The following PPP6R3 variants were observed in gnomAD, a reference collection of about 807,000 sequenced individuals.
PPP6R3 encodes the protein serine/threonine-protein phosphatase 6 regulatory subunit 3.
A neutral mutation model predicts 110.7 loss-of-function variants in PPP6R3; 38 were observed. The observed-to-expected ratio is 0.34, with a 90% CI of 0.26 to 0.45. PPP6R3 has a LOEUF of 0.45. Among genes scored for constraint, PPP6R3 ranks in the 20% least tolerant of loss-of-function variants. The pLI, the probability that PPP6R3 is intolerant of heterozygous loss-of-function variation, is 1.00. For synonymous variants in PPP6R3, 369 were observed against 373.5 expected (o/e 0.99, Z 0.14); for missense variants, 870 against 1,062.4 (o/e 0.82, Z 2.52).
At chr11:68,564,507 T>A in intron 9 of PPP6R3, 75 bp downstream of exon 9, 11 of 1,494,910 alleles carry the variant, frequency 7.4e-6, no homozygotes, top group Non-Finnish European at 1.0e-5. Context: ...TGTACGGGCC[T>A]TAGGAGTGGC....
intron 8 of PPP6R3, among the ~76,000 whole-genome samples, chr11:68,562,921 G>C (rs935617406): frequency 2.0e-5 from 3 of 152,012 alleles, no homozygotes; most frequent in Admixed American, 2.0e-4. Context: ...TTAAAATTCT[G>C]CTCCGAGACT....
chr11:68,591,552 T>C, intron 17 of PPP6R3, 24 bp from the exon 18 acceptor site: 2 of 1,562,758 alleles, frequency 1.3e-6, no homozygotes, highest in Non-Finnish European at 1.7e-6. Flanking sequence ...ATTTTGTTGT[T>C]TTTTTCCTCT....
At chr11:68,552,164 CATG>C (rs200876560) in intron 6 of PPP6R3, among the ~76,000 whole-genome samples, 8,424 of 152,288 alleles carry the variant, frequency 0.055, 246 homozygotes, top group Middle Eastern at 0.13. Context: ...TACCTACAGA[CATG>C]ATAGTTCTCT....
Position 68,600,370 on chromosome 11 carries a change from C to G in PPP6R3, c.2068C>G (p.Pro690Ala). ...CAACTGGTCAGCTAACTTTGATGTC[C>G]CAATGGAAACAACCCACGGTGCTCC... ...PPNWSANFDV[P>A]METTHGAPLD... The change falls in exon 20 of 24, where the codon CCA becomes GCA. Residue 690 changes from proline to alanine, a missense_variant. Physicochemically the swap from Pro to Ala is conservative, Grantham distance 27. Transcript: ENST00000393800. 5 of 1,614,042 alleles carry G rather than the reference C, an allele frequency of 3.1e-6. No individual in the cohort carries two copies. Among genetic ancestry groups the G allele is most frequent in the Non-Finnish European group, 4.2e-6 (5 of 1,179,972 alleles).
intron 6 of PPP6R3, among the ~76,000 whole-genome samples, chr11:68,553,450 C>A (rs909614018): frequency 5.3e-5 from 8 of 151,974 alleles, no homozygotes; most frequent in Non-Finnish European, 1.2e-4. Context: ...TGCGCCACCA[C>A]GCCTGGCTAA....
intron 18 of PPP6R3, among the ~76,000 whole-genome samples, chr11:68,591,956 A>G (rs1034412312): frequency 6.6e-6 from 1 of 152,214 alleles, no homozygotes; most frequent in Non-Finnish European, 1.5e-5. Flanking sequence ...CCAAAGGGGA[A>G]ATGTTGCAGA....
Position 68,614,472 on chromosome 11 carries a change from T to A in PPP6R3, c.*1355T>A. ...GTATTTTTACATCATTTGTTTTTCCTGACCAGTATTTAAAACCAAAAGGAT... is the reference window on the plus strand; with the variant it reads ...GTATTTTTACATCATTTGTTTTTCCAGACCAGTATTTAAAACCAAAAGGAT... On this transcript the variant is annotated 3_prime_UTR_variant, in exon 24 of 24. Transcript: ENST00000393800. 1 of 1,381,280 alleles carries A rather than the reference T, an allele frequency of 7.2e-7. No individual in the cohort carries two copies. The highest frequency in any genetic ancestry group is 2.7e-4 in the Middle Eastern group (1 of 3,720). The allele number at this position is 1,381,280 out of a possible 1,614,324, so 85.6% of individuals were successfully genotyped here.
At chr11:68,469,685 C>G (rs946948631) in intron 1 of PPP6R3, among the ~76,000 whole-genome samples, 11 of 151,992 alleles carry the variant, frequency 7.2e-5, no homozygotes, top group Non-Finnish European at 1.3e-4. Context: ...GGCCTCTAAT[C>G]TGTTTTTTTA....
chr11:68,467,629 A>ATGGT (rs990625901), intron 1 of PPP6R3, among the ~76,000 whole-genome samples: 43 of 152,240 alleles, frequency 2.8e-4, no homozygotes, highest in African/African-American at 9.9e-4. Flanking sequence ...TGCCTGCTCC[A>ATGGT]TGGTTGGCTG....
At chr11:68,606,613 G>A (rs529595407) in intron 22 of PPP6R3, among the ~76,000 whole-genome samples, 132 of 152,084 alleles carry the variant, frequency 8.7e-4, no homozygotes, top group African/African-American at 2.7e-3. Context: ...ACCGCGCCTG[G>A]CAATGAATTT....
intron 1 of PPP6R3, among the ~76,000 whole-genome samples, chr11:68,487,315 A>G (rs891013921): frequency 4.6e-5 from 7 of 152,002 alleles, no homozygotes; most frequent in Non-Finnish European, 7.4e-5. Flanking sequence ...CACTTTGGGA[A>G]GCTGAGGCGG....
chr11:68,478,285 C>T (rs1188329050), intron 1 of PPP6R3, among the ~76,000 whole-genome samples: 3 of 152,152 alleles, frequency 2.0e-5, no homozygotes, highest in Admixed American at 6.5e-5. Flanking sequence ...AAGCAATCCT[C>T]CCACTTTGGC....
rs753413203 is a variant in PPP6R3, at chr11:68,609,448, A to C, written c.2451-456A>C. The C allele has an allele frequency of 1.3e-5, 11 of 838,882 alleles. 2 individuals carry two copies. In the South Asian group the frequency reaches 1.6e-4, roughly 12 times the overall value. 52.0% of individuals were successfully genotyped at this position (838,882 alleles called of 1,614,324 possible). A position where few individuals can be genotyped will look rare whatever the true frequency, so the allele number is the denominator to read the frequency against. On this transcript the variant is annotated intron_variant, in intron 22 of 23. Transcript: ENST00000393800. ...TTGGCCCCAAAAGCAAAGTGCTTTA[A>C]CTAAAGACTCATTCCTTCAAACAGG...
chr11:68,573,134 A>ATATATATATATG (rs1414026400), intron 12 of PPP6R3, among the ~76,000 whole-genome samples: 48 of 109,444 alleles, frequency 4.4e-4, no homozygotes, highest in African/African-American at 1.8e-3. Context: ...ATATATATAT[A>ATATATATATATG]TATATATATA....
At chr11:68,477,458 T>G (rs1355306214) in intron 1 of PPP6R3, among the ~76,000 whole-genome samples, 2 of 152,060 alleles carry the variant, frequency 1.3e-5, no homozygotes, top group African/African-American at 4.8e-5. Flanking sequence ...CAGTGACTTA[T>G]GCCTGTTATC....
Position 68,613,277 on chromosome 11 carries a change from G to C in PPP6R3, c.*160G>C. ...ATTCTAGATTCTAAGACATTGTACA[G>C]AGAAATTCAGAAGTGTAAAAATATT... On this transcript the variant is annotated 3_prime_UTR_variant, in exon 24 of 24. Transcript: ENST00000393800. 1 of 1,371,800 alleles carries C rather than the reference G, an allele frequency of 7.3e-7. No individual in the cohort carries two copies. Among genetic ancestry groups the C allele is most frequent in the Non-Finnish European group, 9.4e-7 (1 of 1,065,072 alleles). 85.0% of individuals were successfully genotyped at this position (1,371,800 alleles called of 1,614,324 possible). A position where few individuals can be genotyped will look rare whatever the true frequency, so the allele number is the denominator to read the frequency against.
chr11:68,518,510 C>T (rs1182777667), intron 1 of PPP6R3, among the ~76,000 whole-genome samples: 1 of 152,166 alleles, frequency 6.6e-6, no homozygotes. Flanking sequence ...CATACAGGAC[C>T]TTTCTGTTTT....
At chr11:68,479,450 A>T (rs1361877221) in intron 1 of PPP6R3, among the ~76,000 whole-genome samples, 10 of 152,156 alleles carry the variant, frequency 6.6e-5, no homozygotes, top group Admixed American at 6.5e-4. Context: ...GGGACGCTCA[A>T]CCTATACTTT....
chr11:68,519,014 G>A (rs2099150782), intron 1 of PPP6R3, among the ~76,000 whole-genome samples: 1 of 152,184 alleles, frequency 6.6e-6, no homozygotes, highest in Admixed American at 6.5e-5. Flanking sequence ...TGACACTAGA[G>A]ACTGAATTTG....
Sources: gnomAD v4.1 joint callset for allele counts (sites outside exome capture counted in the v4.1 genomes callset) on GRCh38, gnomAD v4.1.1 for gene constraint, MANE v1.5 for transcripts, NCBI Gene and HGNC (gene_info 2026-07-23, HGNC 2026-07-21) for gene names.